The following COPE variants were observed in gnomAD, a reference collection of about 807,000 sequenced individuals.
COPE encodes coat protein complex I subunit epsilon.
A neutral mutation model predicts 42.1 loss-of-function variants in COPE; 19 were observed. The observed-to-expected ratio is 0.45, with a 90% CI of 0.31 to 0.66. The LOEUF is 0.66. COPE is among the 30% of genes least tolerant of loss of function. The pLI, the probability that COPE is intolerant of heterozygous loss-of-function variation, is 0.05. For synonymous variants in COPE, 195 were observed against 181.3 expected, an observed-to-expected ratio of 1.08 and a Z score of -0.60; for missense variants, 402 against 416.1, an observed-to-expected ratio of 0.97 and a Z score of 0.30.
At chr19:18,916,944 CAAAAAAAAAAAAAA>C (rs34497308) in intron 1 of COPE, among the ~76,000 whole-genome samples, 1 of 68,694 alleles carries the variant, frequency 1.5e-5, no homozygotes, top group African/African-American at 5.8e-5. Context: ...GATCCTGTCT[CAAAAAAAAAAAAAA>C]AAAAAAAAAA....
In COPE at chr19:18,907,028, G is replaced by A. The variant is rs1291194434; in HGVS notation, c.375C>T (p.Ser125=). 1 of 1,601,030 alleles carries A rather than the reference G, an allele frequency of 6.2e-7. No individual in the cohort carries two copies. Among genetic ancestry groups the A allele is most frequent in the Admixed American group, 1.7e-5 (1 of 57,796 alleles). The change falls in exon 4 of 10, where the codon TCC becomes TCT. Residue 125 remains serine (S), a synonymous_variant. Transcript: ENST00000262812. ...TNTTFLLMAA[S]IYLHDQNPDA... ...CCGGGTTCTGGTCGTGGAGATAGAT[G>A]GAGGCGGCCATGAGCAGGAAGGTGG... is the stretch of plus-strand genomic sequence containing the variant.
chr19:18,912,870 T>C, intron 2 of COPE, 114 bp downstream of exon 2: 4 of 982,146 alleles, frequency 4.1e-6, no homozygotes, highest in Non-Finnish European at 6.2e-6. Context: ...ACTGCAGGCC[T>C]GGGTCCCTGC....
intron 4 of COPE, chr19:18,906,705 C>T (rs955935791): frequency 4.9e-6 from 2 of 409,952 alleles, no homozygotes; most frequent in Non-Finnish European, 8.7e-6. Context: ...GACAAAGCCG[C>T]TTTCTGCTCT....
At chr19:18,917,999 G>A (rs1389436079) in intron 1 of COPE, among the ~76,000 whole-genome samples, 1 of 151,442 alleles carries the variant, frequency 6.6e-6, no homozygotes, top group Non-Finnish European at 1.5e-5. Flanking sequence ...GACCATCCTG[G>A]CCAACATGGT....
intron 4 of COPE, chr19:18,906,584 A>T: frequency 5.3e-6 from 1 of 190,268 alleles, no homozygotes; most frequent in Non-Finnish European, 1.1e-5. Context: ...CCAACCCCAG[A>T]GGGCCCTGGA....
rs375314335 is a variant in COPE at position 18,911,089 on chromosome 19, C to T, written c.190-18G>A. 4.8e-5 allele frequency: 77 copies of T among 1,604,124 alleles called. 1 individual carries two copies. Among genetic ancestry groups the T allele is most frequent in the East Asian group, 3.1e-4 (14 of 44,830 alleles). ...AACTTCCTCTGCAGTAGGGACGAGG[C>T]GTCAGCTGCACCCGTCCACCCCAGA... On this transcript the variant is annotated intron_variant, in intron 2 of 9. Coordinates refer to ENST00000262812, the MANE Select transcript of COPE (RefSeq NM_007263.4).
At position 18,908,651 on chromosome 19, in the gene COPE, G is replaced by C. The variant is rs1229101546; in HGVS notation, c.291-1539C>G. Among the ~76,000 whole-genome samples, 4 of 151,542 alleles carry C rather than the reference G, an allele frequency of 2.6e-5. No homozygotes were observed. In the South Asian group the frequency reaches 6.3e-4, roughly 24 times the overall value. ...CCCGCCTCAGCCTCCCGAGTAGCTG[G>C]GACTACAGGCACCCGCCACCATGCC... is the stretch of plus-strand genomic sequence containing the variant. On this transcript the variant is annotated intron_variant, in intron 3 of 9. Coordinates refer to ENST00000262812, the MANE Select transcript of COPE (RefSeq NM_007263.4).
intron 7 of COPE, among the ~76,000 whole-genome samples, chr19:18,901,549 G>A (rs59977691): frequency 0.21 from 31,715 of 152,204 alleles, 4,783 homozygotes; most frequent in African/African-American, 0.43. Flanking sequence ...GGCCAGCCCC[G>A]CTCTGCAAAC....
chr19:18,902,266 T>A (rs1271183306), intron 7 of COPE, among the ~76,000 whole-genome samples: 1 of 150,236 alleles, frequency 6.7e-6, no homozygotes, highest in African/African-American at 2.5e-5. Context: ...GGACGATCAC[T>A]TGAGGCCAGG....
At chr19:18,918,631 G>A (rs2145091273) in intron 1 of COPE, among the ~76,000 whole-genome samples, 1 of 152,202 alleles carries the variant, frequency 6.6e-6, no homozygotes, top group African/African-American at 2.4e-5. Context: ...GTTTCTCCAC[G>A]TTGCCCAAGC....
At chr19:18,919,186 CCGCCCCCAG>C in intron 1 of COPE, 28 bp downstream of exon 1, 1 of 1,583,146 alleles carries the variant, frequency 6.3e-7, no homozygotes, top group Non-Finnish European at 8.6e-7. Context: ...TCCTCCGCCT[CCGCCCCCAG>C]CGTCCCCGCG....
chr19:18,902,260 G>A (rs1042898725), intron 7 of COPE, among the ~76,000 whole-genome samples: 12 of 151,096 alleles, frequency 7.9e-5, no homozygotes, highest in Admixed American at 4.0e-4. Flanking sequence ...GAGGTGGGAC[G>A]ATCACTTGAG....
At chr19:18,905,658 C>A (rs543568707) in intron 4 of COPE, 29 bp from the exon 5 acceptor site, 2 of 1,579,802 alleles carry the variant, frequency 1.3e-6, no homozygotes, top group South Asian at 1.1e-5. Flanking sequence ...GGGCGGTCAG[C>A]GGGTCGCCAC....
chr19:18,911,660 T>C (rs1450478921), intron 2 of COPE, among the ~76,000 whole-genome samples: 1 of 151,792 alleles, frequency 6.6e-6, no homozygotes, highest in African/African-American at 2.4e-5. Context: ...CACACCATTC[T>C]CCTGCCTCAG....
chr19:18,909,519 C>CTT (rs59105113), intron 3 of COPE, among the ~76,000 whole-genome samples: 3 of 133,798 alleles, frequency 2.2e-5, no homozygotes, highest in Non-Finnish European at 3.2e-5. Context: ...GGCCTCTTTC[C>CTT]TTTTTTTTTT....
Position 18,903,977 on chromosome 19 carries a change from TTTTC to T in COPE, c.580-558_580-555del, listed in dbSNP as rs1169981012. Among the ~76,000 whole-genome samples the T allele has an allele frequency of 1.4e-4, 21 of 152,292 alleles. No homozygotes were observed. The South Asian group carries it at 2.5e-3, about 18-fold the overall frequency. On this transcript the variant is annotated intron_variant, in intron 6 of 9. Transcript: ENST00000262812. ...GGGCAGGGACGGGGAGCACATTTTTTTTTCTTTCTCAGAGTTTCACTCTTGTTGC... is the reference window on the plus strand; with the variant it reads ...GGGCAGGGACGGGGAGCACATTTTTTTTTCTCAGAGTTTCACTCTTGTTGC...
Position 18,919,315 on chromosome 19 carries a change from CGCCGGAGGCCGGGCCGGGG to C in COPE, c.15_33del (p.Pro6AlafsTer5). The C allele has an allele frequency of 6.2e-7, 1 of 1,613,628 alleles. No individual in the cohort carries two copies. Among genetic ancestry groups the C allele is most frequent in the Non-Finnish European group, 8.5e-7 (1 of 1,179,958 alleles). On this transcript the variant is annotated frameshift_variant, in exon 1 of 10. Transcript: ENST00000262812. LOFTEE classifies it high-confidence loss of function. ...AACAGCTCGTCTACCTCCCCGGAGCCGCCGGAGGCCGGGCCGGGGGCCGGAGGCGCCATTTCGCTGTCTT... is the reference window on the plus strand; with the variant it reads ...AACAGCTCGTCTACCTCCCCGGAGCCGCCGGAGGCGCCATTTCGCTGTCTT...
At chr19:18,919,092 C>T (rs1002814135) in intron 1 of COPE, 131 bp downstream of exon 1, 1 of 869,962 alleles carries the variant, frequency 1.1e-6, no homozygotes, top group African/African-American at 1.7e-5. Context: ...CCTCACTGAA[C>T]TGTGGAAGAG....
At chr19:18,905,700 G>A in intron 4 of COPE, 71 bp from the exon 5 acceptor site, 2 of 1,477,226 alleles carry the variant, frequency 1.4e-6, no homozygotes, top group Non-Finnish European at 9.2e-7. Flanking sequence ...CACACCCAGG[G>A]CTCACTGTGT....
Sources: allele counts gnomAD v4.1 joint callset (sites outside exome capture counted in the v4.1 genomes callset), GRCh38; gene constraint gnomAD v4.1.1; transcripts MANE v1.5; gene names NCBI Gene and HGNC (gene_info 2026-07-23, HGNC 2026-07-21).